ZDHHC2: variants seen among roughly 807,000 people sequenced by gnomAD.
ZDHHC2 encodes the protein zDHHC palmitoyltransferase 2.
In ZDHHC2, 51 loss-of-function variants were observed where a neutral mutation model predicts 55.6. The observed-to-expected ratio is 0.92, with a 90% CI of 0.73 to 1.16. The LOEUF (loss-of-function observed/expected upper bound fraction) is 1.16, where lower values mean the gene tolerates loss of function less well. ZDHHC2 is among the 50% of genes most tolerant of loss of function. The pLI is 0.00. For missense variants in ZDHHC2, 491 were observed against 442.4 expected, an observed-to-expected ratio of 1.11 and a Z score of -0.99; for synonymous variants, 199 against 152.9, an observed-to-expected ratio of 1.30 and a Z score of -2.22.
chr8:17,215,092 T>C (rs1807584846), intron 10 of ZDHHC2, 145 bp from the exon 11 acceptor site: 9 of 649,686 alleles, frequency 1.4e-5, no homozygotes, highest in Non-Finnish European at 1.9e-5. Context: ...TAATGTCTTA[T>C]TCTTGTATTC....
chr8:17,156,518 C>CTCCGCCGGGCTGAGGAGCCGGGAG lies in ZDHHC2; in HGVS notation c.-198_-175dup, dbSNP rs1378821948. ...CTCCGCTCGCAGCCGCCGCCTCCGC[C>CTCCGCCGGGCTGAGGAGCCGGGAG]TCCGCCGGGCTGAGGAGCCGGGAGT... On this transcript the variant is annotated 5_prime_UTR_variant, in exon 1 of 13. Coordinates refer to ENST00000262096, the MANE Select transcript of ZDHHC2 (RefSeq NM_016353.5). The CTCCGCCGGGCTGAGGAGCCGGGAG allele has an allele frequency of 6.0e-5, 12 of 198,726 alleles. No homozygotes were observed. Among genetic ancestry groups the CTCCGCCGGGCTGAGGAGCCGGGAG allele is most frequent in the African/African-American group, 1.4e-4 (6 of 41,892 alleles). 12.3% of individuals were successfully genotyped at this position (198,726 alleles called of 1,614,324 possible). A position where few individuals can be genotyped will look rare whatever the true frequency, so the allele number is the denominator to read the frequency against.
chr8:17,209,147 G>A (rs976008144), intron 8 of ZDHHC2, among the ~76,000 whole-genome samples: 1 of 152,224 alleles, frequency 6.6e-6, no homozygotes, highest in Non-Finnish European at 1.5e-5. Context: ...TCAGTCTGTC[G>A]TGTGTTTGTT....
At chr8:17,208,751 C>T (rs1807229422) in intron 8 of ZDHHC2, among the ~76,000 whole-genome samples, 2 of 151,884 alleles carry the variant, frequency 1.3e-5, no homozygotes, top group Admixed American at 1.3e-4. Flanking sequence ...ATTTCTAAGC[C>T]CAGGAATTTT....
chr8:17,201,791 C>T (rs925192975), intron 6 of ZDHHC2, among the ~76,000 whole-genome samples: 2 of 151,896 alleles, frequency 1.3e-5, no homozygotes, highest in Non-Finnish European at 2.9e-5. Context: ...CCAACGCGCC[C>T]GGCCAGGGCA....
chr8:17,219,348 T>C (rs1003147883), intron 12 of ZDHHC2, among the ~76,000 whole-genome samples: 9 of 151,370 alleles, frequency 5.9e-5, no homozygotes, highest in African/African-American at 2.2e-4. Context: ...CACCTTTTTA[T>C]AAAATATTTG....
chr8:17,166,572 C>T (rs947154721), intron 1 of ZDHHC2, among the ~76,000 whole-genome samples: 3 of 152,126 alleles, frequency 2.0e-5, no homozygotes, highest in Admixed American at 6.6e-5. Flanking sequence ...AGACTTGGCA[C>T]TGGATACATT....
chr8:17,199,369 G>C (rs1320132427), intron 6 of ZDHHC2, among the ~76,000 whole-genome samples: 1 of 151,600 alleles, frequency 6.6e-6, no homozygotes, highest in Non-Finnish European at 1.5e-5. Context: ...CGTACTAATT[G>C]ATACTTGCAC....
rs1804062564 is a variant in ZDHHC2 at position 17,156,692 on chromosome 8, G to A, written c.-32G>A. 2 of 1,306,758 alleles carry A rather than the reference G, an allele frequency of 1.5e-6. No homozygotes were observed. Among genetic ancestry groups the A allele is most frequent in the Admixed American group, 3.9e-5 (1 of 25,928 alleles). 80.9% of individuals were successfully genotyped at this position (1,306,758 alleles called of 1,614,324 possible). On this transcript the variant is annotated 5_prime_UTR_variant, in exon 1 of 13. Coordinates refer to ENST00000262096, the MANE Select transcript of ZDHHC2 (RefSeq NM_016353.5). ...CCCCGGAGCCAGGCCCGCGGGCGGC[G>A]GCGGAGCTGGGCAGGTGGATGCGGC...
At chr8:17,173,321 A>G (rs1016364016) in intron 1 of ZDHHC2, among the ~76,000 whole-genome samples, 6 of 152,216 alleles carry the variant, frequency 3.9e-5, no homozygotes, top group African/African-American at 1.4e-4. Flanking sequence ...CAGCATTTGA[A>G]ATGATAATAA....
rs201933375 is a variant in ZDHHC2, at chr8:17,209,893, G to T, written c.731-39G>T. 3,307 of 1,570,862 alleles carry T rather than the reference G, an allele frequency of 2.1e-3. 6 individuals are homozygous for T. Among genetic ancestry groups the T allele is most frequent in the Non-Finnish European group, 2.7e-3 (3,080 of 1,160,954 alleles). On this transcript the variant is annotated intron_variant, in intron 8 of 12. Coordinates refer to ENST00000262096, the MANE Select transcript of ZDHHC2 (RefSeq NM_016353.5). ...AATATTCAGGATTGCTAGTAAATAT[G>T]TTCTTTACTCATGTGATTCCTTTAC...
intron 8 of ZDHHC2, among the ~76,000 whole-genome samples, chr8:17,209,080 T>C (rs1371186501): frequency 2.0e-5 from 3 of 152,154 alleles, no homozygotes; most frequent in Non-Finnish European, 4.4e-5. Flanking sequence ...TATTTCAGCA[T>C]GATTCAAGAA....
rs187912553 is a variant in ZDHHC2, at chr8:17,163,412, T to C, written c.130+6559T>C. Among the ~76,000 whole-genome samples the C allele has an allele frequency of 2.0e-5, 3 of 152,252 alleles. No individual in the cohort carries two copies. The East Asian group carries it at 5.8e-4, about 29-fold the overall frequency. On this transcript the variant is annotated intron_variant, in intron 1 of 12. Transcript: ENST00000262096. ...TTCGTTACCATGGTGAGAAGTGTGC[T>C]AGCGGGGAAAAAAGACAAATGTATC...
At chr8:17,168,144 A>G (rs902421911) in intron 1 of ZDHHC2, among the ~76,000 whole-genome samples, 2 of 152,194 alleles carry the variant, frequency 1.3e-5, no homozygotes, top group East Asian at 1.9e-4. Context: ...AGGATTTTAC[A>G]TTCTCTTTCA....
chr8:17,168,406 T>G (rs1014908032), intron 1 of ZDHHC2, among the ~76,000 whole-genome samples: 1 of 152,174 alleles, frequency 6.6e-6, no homozygotes, highest in African/African-American at 2.4e-5. Flanking sequence ...TGAGAAAACT[T>G]TAGCTAATGT....
rs950171038 is a variant in ZDHHC2, at chr8:17,222,369, A to C, written c.*2148A>C. On this transcript the variant is annotated 3_prime_UTR_variant, in exon 13 of 13. Transcript: ENST00000262096. ...TGAGTGAACAAAGTGCTAAATAAAT[A>C]GATCTACATTTTGTACATATTTATA... is the stretch of plus-strand genomic sequence containing the variant. 6.6e-6 allele frequency: 1 copy of C among 151,854 alleles called. No individual in the cohort carries two copies. Among genetic ancestry groups the C allele is most frequent in the African/African-American group, 2.4e-5 (1 of 41,426 alleles). The allele number at this position is 151,854 out of a possible 1,614,324, so 9.4% of individuals were successfully genotyped here. A position where few individuals can be genotyped will look rare whatever the true frequency, so the allele number is the denominator to read the frequency against.
intron 1 of ZDHHC2, among the ~76,000 whole-genome samples, chr8:17,171,434 A>G (rs1363125406): frequency 6.6e-6 from 1 of 152,206 alleles, no homozygotes; most frequent in Non-Finnish European, 1.5e-5. Flanking sequence ...TCAGTGATTC[A>G]GAAATGGTCC....
In ZDHHC2 at chr8:17,205,697, C is replaced by A. The variant is rs774921599; in HGVS notation, c.519C>A (p.Leu173=). The change falls in exon 7 of 13, where the codon CTC becomes CTA. Residue 173 remains leucine, a synonymous_variant. Transcript: ENST00000262096. The part of the protein sequence containing the change: ...CVGFSNYKFF[L]LFLAYSLLYC... The stretch of plus-strand genomic sequence containing the variant: ...GATTTTCAAATTATAAGTTCTTTCT[C>A]CTTTTCTTGGCTTATTCTCTGCTCT... 5.0e-6 allele frequency: 8 copies of A among 1,608,094 alleles called. No individual in the cohort carries two copies. The South Asian group carries it at 9.0e-5, about 18-fold the overall frequency.
chr8:17,199,570 CTTTGT>C (rs1563161431), intron 6 of ZDHHC2, among the ~76,000 whole-genome samples: 57 of 65,358 alleles, frequency 8.7e-4, no homozygotes, highest in Non-Finnish European at 2.6e-3. Context: ...TCTTCTTCGT[CTTTGT>C]CTTCTTCTTC....
At position 17,220,847 on chromosome 8, in the gene ZDHHC2, C is replaced by G. The variant is rs1345599046; in HGVS notation, c.*626C>G. On this transcript the variant is annotated 3_prime_UTR_variant, in exon 13 of 13. Transcript: ENST00000262096. ...TCACTTAATTCCAGCCTTTTGTTTT[C>G]TGCTGGAAAATAAGTGTGGACATTG... The G allele has an allele frequency of 6.6e-6, 1 of 152,090 alleles. No individual in the cohort carries two copies. The highest frequency in any genetic ancestry group is 1.5e-5 in the Non-Finnish European group (1 of 67,986). 9.4% of individuals were successfully genotyped at this position (152,090 alleles called of 1,614,324 possible).
Sources: gnomAD v4.1 joint callset for allele counts (sites outside exome capture counted in the v4.1 genomes callset) on GRCh38, gnomAD v4.1.1 for gene constraint, MANE v1.5 for transcripts, NCBI Gene and HGNC (gene_info 2026-07-23, HGNC 2026-07-21) for gene names.